Variants in NUP85 observed in about 807,000 individuals in gnomAD.
The protein encoded by NUP85 is nucleoporin 85, also known as nuclear pore complex protein Nup85.
A neutral mutation model predicts 92.8 loss-of-function variants in NUP85; 23 were observed. The observed-to-expected ratio is 0.25, with a 90% CI of 0.18 to 0.35. The LOEUF (loss-of-function observed/expected upper bound fraction) is 0.35. NUP85 is among the 10% of genes least tolerant of loss of function. NUP85 has a pLI of 1.00. For missense variants in NUP85, 759 were observed against 822.8 expected (o/e 0.92, Z 0.95); for synonymous variants, 314 against 306.9 (o/e 1.02, Z -0.24).
At chr17:75,209,338 C>T (rs899688144) in intron 2 of NUP85, among the ~76,000 whole-genome samples, 2 of 152,106 alleles carry the variant, frequency 1.3e-5, no homozygotes, top group Non-Finnish European at 2.9e-5. Context: ...TTCCTGAGTT[C>T]CATCAGCTAT....
At chr17:75,215,869 A>G in intron 6 of NUP85, 46 bp downstream of exon 6, 1 of 1,488,978 alleles carries the variant, frequency 6.7e-7, no homozygotes, top group Non-Finnish European at 9.4e-7. Flanking sequence ...GTCCCCTTCC[A>G]TCTTCTGCTC....
At chr17:75,226,534 A>G (rs1488962523) in intron 11 of NUP85, among the ~76,000 whole-genome samples, 1 of 152,046 alleles carries the variant, frequency 6.6e-6, no homozygotes, top group Non-Finnish European at 1.5e-5. Flanking sequence ...GATGTGGCCT[A>G]ATCACCTCCT....
intron 14 of NUP85, among the ~76,000 whole-genome samples, chr17:75,232,277 G>A (rs982748256): frequency 1.3e-5 from 2 of 152,190 alleles, no homozygotes; most frequent in Admixed American, 6.5e-5. Context: ...CTGTTTCCCT[G>A]TCCAGGTGGG....
chr17:75,231,819 C>G lies in NUP85; in HGVS notation c.1245-9C>G. On this transcript the variant is annotated splice_polypyrimidine_tract_variant and intron_variant, in intron 13 of 18. Transcript: ENST00000245544. This position sits in a 1 kb window ranked among gnomAD's most constrained non-coding sequence, Gnocchi z 4.6. The stretch of plus-strand genomic sequence containing the variant: ...GCACCTCATGTCTGTCCTCCTCGAA[C>G]CTTTGCAGCCTGTGGCAGCTGGGGG... The G allele has an allele frequency of 6.2e-7, 1 of 1,613,950 alleles. No individual in the cohort carries two copies. Among genetic ancestry groups the G allele is most frequent in the Non-Finnish European group, 8.5e-7 (1 of 1,179,918 alleles).
intron 6 of NUP85, among the ~76,000 whole-genome samples, chr17:75,216,518 G>A (rs1339055504): frequency 6.6e-6 from 1 of 152,154 alleles, no homozygotes; most frequent in African/African-American, 2.4e-5. Flanking sequence ...GCCTGCCTCG[G>A]TCTCCCAAAG....
At chr17:75,233,533 T>C (rs981675142) in intron 16 of NUP85, among the ~76,000 whole-genome samples, 25 of 149,714 alleles carry the variant, frequency 1.7e-4, no homozygotes, top group African/African-American at 5.9e-4. Flanking sequence ...GCAATTCTCG[T>C]GCCTCAGCCT....
intron 3 of NUP85, among the ~76,000 whole-genome samples, chr17:75,211,003 G>GTTTT (rs11403555): frequency 5.4e-5 from 6 of 111,670 alleles, no homozygotes; most frequent in Non-Finnish European, 8.6e-5. Context: ...GCCTGGCCCT[G>GTTTT]TTTTTTTTTT....
chr17:75,233,017 G>A, intron 15 of NUP85, 41 bp from the exon 16 acceptor site: 1 of 1,612,734 alleles, frequency 6.2e-7, no homozygotes, highest in Non-Finnish European at 8.5e-7. Context: ...GTTGAGGTGG[G>A]CCTGAGACTG....
rs190112880 is a variant in NUP85 at position 75,208,715 on chromosome 17, T to C, written c.127+95T>C. Reference sequence around the variant, plus strand: ...TTTTACTAGTTGTGGACTGAAACAGTTGAATTTATTTTGTACTATTTTAAT... The same window carrying C: ...TTTTACTAGTTGTGGACTGAAACAGCTGAATTTATTTTGTACTATTTTAAT... On this transcript the variant is annotated intron_variant, in intron 2 of 18. Coordinates refer to ENST00000245544, the MANE Select transcript of NUP85 (RefSeq NM_024844.5). 1.8e-3 allele frequency: 1,340 copies of C among 760,910 alleles called. 2 individuals carry two copies. Among genetic ancestry groups the C allele is most frequent in the Non-Finnish European group, 1.7e-3 (741 of 426,316 alleles). The allele number at this position is 760,910 out of a possible 1,614,324, so 47.1% of individuals were successfully genotyped here.
intron 5 of NUP85, 22 bp from the exon 6 acceptor site, chr17:75,215,732 C>T (rs2075410155): frequency 6.2e-7 from 1 of 1,610,722 alleles, no homozygotes; most frequent in South Asian, 1.1e-5. Context: ...TCAGGTGAAA[C>T]CTGTCCCCAT....
chr17:75,228,879 T>C, intron 11 of NUP85: 1 of 985,424 alleles, frequency 1.0e-6, no homozygotes, highest in Non-Finnish European at 1.2e-6. Flanking sequence ...TCAGCCCTGC[T>C]AAAGGGCCAG....
In NUP85 at chr17:75,231,634, C is replaced by T. The variant is rs1480040401; in HGVS notation, c.1240C>T (p.Pro414Ser). 1 of 1,614,128 alleles carries T rather than the reference C, an allele frequency of 6.2e-7. No individual in the cohort carries two copies. Among genetic ancestry groups the T allele is most frequent in the Non-Finnish European group, 8.5e-7 (1 of 1,179,988 alleles). Residue 414 changes from proline to serine, a missense_variant, in exon 13 of 19, where the codon CCC (proline) becomes TCC (serine). Coordinates refer to ENST00000245544, the MANE Select transcript of NUP85 (RefSeq NM_024844.5). The surrounding 1 kb of genome is among the most constrained non-coding windows in gnomAD (Gnocchi z 4.6). ...GTACGCCTCGGGACTGTTTGCTCAT[C>T]CCAGGTAGGAAGGACCCCATGGGTG... ...LEYASGLFAH[P>S]SLWQLGVDYF...
At chr17:75,230,362 G>GTTT (rs776931400) in intron 11 of NUP85, among the ~76,000 whole-genome samples, 770 of 73,634 alleles carry the variant, frequency 0.01, 16 homozygotes, top group African/African-American at 0.018. Flanking sequence ...CATGTTTTTT[G>GTTT]TTTTTTTTTT....
At chr17:75,218,588 GTT>G (rs67761124) in intron 7 of NUP85, among the ~76,000 whole-genome samples, 3 of 82,852 alleles carry the variant, frequency 3.6e-5, no homozygotes, top group East Asian at 4.0e-4. Context: ...ATACAAAACC[GTT>G]TTTTTTTTTT....
At chr17:75,229,448 TTC>T (rs2075955613) in intron 11 of NUP85, among the ~76,000 whole-genome samples, 1 of 152,070 alleles carries the variant, frequency 6.6e-6, no homozygotes, top group Non-Finnish European at 1.5e-5. Flanking sequence ...CTCCGCAGCG[TTC>T]TCTCGTTTTC....
intron 1 of NUP85, among the ~76,000 whole-genome samples, chr17:75,206,883 A>G (rs965692416): frequency 6.6e-6 from 1 of 151,414 alleles, no homozygotes; most frequent in African/African-American, 2.4e-5. Flanking sequence ...ACTTTTTTGT[A>G]TTTTTAGTAG....
At chr17:75,219,024 A>G (rs1375924821) in intron 7 of NUP85, among the ~76,000 whole-genome samples, 1 of 152,168 alleles carries the variant, frequency 6.6e-6, no homozygotes, top group Admixed American at 6.6e-5. Context: ...GTATATGTGT[A>G]TATGGATGTA....
At position 75,226,082 on chromosome 17, in the gene NUP85, G is replaced by C; in HGVS notation, c.1019G>C (p.Ser340Thr). The C allele has an allele frequency of 1.2e-6, 2 of 1,614,146 alleles. No individual in the cohort carries two copies. Among genetic ancestry groups the C allele is most frequent in the Non-Finnish European group, 1.7e-6 (2 of 1,180,022 alleles). ...SSLDLFLGGE[S>T]SPEPLDNILL... is the part of the protein sequence containing the mutation. ...CTGGACCTGTTTCTGGGAGGTGAGA[G>C]CAGCCCAGAACCCCTGGACAACATC... Residue 340 changes from serine to threonine, a missense_variant, in exon 11 of 19, where the codon AGC becomes ACC. By Grantham distance (58) the Ser-to-Thr change is moderately conservative. Transcript: ENST00000245544.
rs147443108 is a variant in NUP85 at position 75,223,511 on chromosome 17, C to T, written c.598-1592C>T. Among the ~76,000 whole-genome samples, 642 of 152,158 alleles carry T rather than the reference C, an allele frequency of 4.2e-3. 6 individuals are homozygous for T. The highest frequency in any genetic ancestry group is 0.014 in the African/African-American group (599 of 41,502). Reference sequence around the variant, plus strand: ...CAAATGATTCTTGTTCCTCAGCCTCCCGAGTAGCTGGGACTACAGGCATGC... The same window carrying T: ...CAAATGATTCTTGTTCCTCAGCCTCTCGAGTAGCTGGGACTACAGGCATGC... On this transcript the variant is annotated intron_variant, in intron 7 of 18. Transcript: ENST00000245544.
Sources: allele counts gnomAD v4.1 joint callset (sites outside exome capture counted in the v4.1 genomes callset), GRCh38; gene constraint gnomAD v4.1.1; non-coding constraint Gnocchi (gnomAD v3.1); transcripts MANE v1.5; gene names NCBI Gene and HGNC (gene_info 2026-07-23, HGNC 2026-07-21).